The following POP1 variants were observed in gnomAD, a reference collection of about 807,000 sequenced individuals.
The protein encoded by POP1 is ribonucleases P/MRP protein subunit POP1.
Under a neutral mutation model 102.2 loss-of-function variants are expected in POP1, and 75 were observed. The ratio of observed to expected loss-of-function variants is 0.73; its 90% confidence interval spans 0.61 to 0.89. POP1 has a LOEUF of 0.89. Ranked by LOEUF, POP1 falls within the 40% of genes least tolerant of loss-of-function variation. POP1 has a pLI of 0.00. For missense variants in POP1, 1,116 were observed against 1,267.4 expected (o/e 0.88, Z 1.81); for synonymous variants, 436 against 464.1 (o/e 0.94, Z 0.78).
intron 7 of POP1, among the ~76,000 whole-genome samples, 186 bp from the exon 8 acceptor site, chr8:98,136,296 G>A (rs1018803115): frequency 6.6e-6 from 1 of 150,970 alleles, no homozygotes; most frequent in Non-Finnish European, 1.5e-5. Flanking sequence ...GGCTGGGCTC[G>A]AACTCCTGAT....
intron 2 of POP1, 117 bp from the exon 3 acceptor site, chr8:98,127,478 A>T: frequency 8.1e-7 from 1 of 1,242,226 alleles, no homozygotes; most frequent in Non-Finnish European, 1.2e-6. Flanking sequence ...TAGCCACCTT[A>T]CAGGGTGACT....
In POP1 at chr8:98,148,953, G is replaced by C; in HGVS notation, c.1849G>C (p.Gly617Arg). 6.2e-7 allele frequency: 1 copy of C among 1,613,752 alleles called. No individual in the cohort carries two copies. Among genetic ancestry groups the C allele is most frequent in the Non-Finnish European group, 8.5e-7 (1 of 1,179,812 alleles). The change falls in exon 13 of 16, where the codon GGC becomes CGC. Residue 617 changes from glycine (G) to arginine (R), a missense_variant. Physicochemically the swap from Gly to Arg is moderately radical, Grantham distance 125. Coordinates refer to ENST00000401707, the MANE Select transcript of POP1 (RefSeq NM_001145860.2). ...TGAAGATCGACTAGGCTGGGGAAGT[G>C]GCTGGGATGTCCTACTCCCAAAGGG... ...TGEDRLGWGS[G>R]WDVLLPKGWG...
intron 1 of POP1, among the ~76,000 whole-genome samples, chr8:98,119,240 A>G (rs1815943268): frequency 1.3e-5 from 2 of 152,380 alleles, no homozygotes; most frequent in South Asian, 2.1e-4. Flanking sequence ...GCTATTTTGG[A>G]GCATTACAAA....
At chr8:98,153,967 A>T (rs1217609516) in intron 14 of POP1, among the ~76,000 whole-genome samples, 2 of 152,174 alleles carry the variant, frequency 1.3e-5, no homozygotes, top group Non-Finnish European at 2.9e-5. Context: ...TTATTTAGCT[A>T]GGTTAGATTC....
intron 5 of POP1, 152 bp downstream of exon 5, chr8:98,130,378 T>A: frequency 8.8e-7 from 1 of 1,132,318 alleles, no homozygotes; most frequent in Non-Finnish European, 1.3e-6. Context: ...CTTTGCCAGA[T>A]GCTGGAGATC....
intron 13 of POP1, among the ~76,000 whole-genome samples, chr8:98,150,023 G>A (rs1007460235): frequency 3.3e-5 from 5 of 152,202 alleles, no homozygotes; most frequent in African/African-American, 4.8e-5. Flanking sequence ...CCATTTACCC[G>A]CCATCCGGCT....
At chr8:98,127,921 A>G (rs1274082879) in intron 3 of POP1, among the ~76,000 whole-genome samples, 159 bp downstream of exon 3, 1 of 152,070 alleles carries the variant, frequency 6.6e-6, no homozygotes, top group African/African-American at 2.4e-5. Flanking sequence ...GACTTTGGCC[A>G]GAGCTTCCTT....
chr8:98,149,997 A>G (rs1332880436), intron 13 of POP1, among the ~76,000 whole-genome samples: 1 of 152,210 alleles, frequency 6.6e-6, no homozygotes, highest in East Asian at 1.9e-4. Context: ...ATGCTGATAT[A>G]GTGAATGCCT....
In POP1 at chr8:98,155,925, GT is replaced by G. The variant is rs1563786716; in HGVS notation, c.2058-124del. Reference sequence around the variant, plus strand: ...GGAAAGCTTTTGTGTGTGTGTGTGTGTGTGTGTGTGTGTGTGTGTGTGTGTG... The same window carrying G: ...GGAAAGCTTTTGTGTGTGTGTGTGTGGTGTGTGTGTGTGTGTGTGTGTGTG... On this transcript the variant is annotated intron_variant, in intron 14 of 15. Coordinates refer to ENST00000401707, the MANE Select transcript of POP1 (RefSeq NM_001145860.2). 1.0e-3 allele frequency: 714 copies of G among 694,344 alleles called. 3 individuals are homozygous for G. Among genetic ancestry groups the G allele is most frequent in the Admixed American group, 2.8e-3 (134 of 47,866 alleles). 43.0% of individuals were successfully genotyped at this position (694,344 alleles called of 1,614,324 possible).
rs1210261761 is a variant in POP1 at position 98,140,075 on chromosome 8, CA to C, written c.1363-2del. On this transcript the variant is annotated splice_acceptor_variant, in intron 9 of 15. Transcript: ENST00000401707. LOFTEE classifies it high-confidence loss of function. ...CCAGTGAATAGTAGTTGTTATTTTT[CA>C]GGTGGGAGAGGACACAGAGGAGACA... 6.2e-7 allele frequency: 1 copy of C among 1,610,410 alleles called. No homozygotes were observed. Among genetic ancestry groups the C allele is most frequent in the Non-Finnish European group, 8.5e-7 (1 of 1,176,932 alleles).
intron 13 of POP1, 92 bp from the exon 14 acceptor site, chr8:98,150,393 C>G: frequency 7.5e-7 from 1 of 1,336,500 alleles, no homozygotes; most frequent in Non-Finnish European, 1.1e-6. Flanking sequence ...TTTTGAGGGG[C>G]GTTTAGGTTG....
chr8:98,134,154 T>A, intron 6 of POP1, 118 bp downstream of exon 6: 1 of 788,134 alleles, frequency 1.3e-6, no homozygotes, highest in Non-Finnish European at 2.2e-6. Context: ...TGTGAGACAC[T>A]AATCATTCCC....
intron 1 of POP1, among the ~76,000 whole-genome samples, chr8:98,120,639 T>C (rs1815984384): frequency 6.8e-6 from 1 of 147,120 alleles, no homozygotes; most frequent in African/African-American, 2.6e-5. Flanking sequence ...ACGTGGCTCA[T>C]TTTTGTATTT....
intron 11 of POP1, among the ~76,000 whole-genome samples, chr8:98,144,086 G>A (rs1286165231): frequency 6.6e-6 from 1 of 151,938 alleles, no homozygotes; most frequent in African/African-American, 2.4e-5. Flanking sequence ...AACCTGGGAG[G>A]CAGAGGCTGC....
intron 12 of POP1, among the ~76,000 whole-genome samples, chr8:98,147,397 T>C (rs1809384160): frequency 6.6e-6 from 1 of 152,084 alleles, no homozygotes; most frequent in Non-Finnish European, 1.5e-5. Flanking sequence ...AGGAAGACTC[T>C]ACAAGTGGAT....
intron 1 of POP1, 109 bp from the exon 2 acceptor site, chr8:98,123,227 C>G: frequency 7.7e-7 from 1 of 1,300,834 alleles, no homozygotes; most frequent in Non-Finnish European, 1.1e-6. Context: ...AGGGTCTCTT[C>G]CATCAATAGA....
chr8:98,128,913 C>A (rs1030579657), intron 4 of POP1, among the ~76,000 whole-genome samples: 1 of 151,918 alleles, frequency 6.6e-6, no homozygotes, highest in Non-Finnish European at 1.5e-5. Flanking sequence ...GACAGTGAGA[C>A]CTTGTCTAAA....
intron 1 of POP1, among the ~76,000 whole-genome samples, chr8:98,119,615 C>T (rs1238333302): frequency 6.6e-6 from 1 of 152,056 alleles, no homozygotes; most frequent in East Asian, 1.9e-4. Flanking sequence ...TGCTCTGTCA[C>T]CCAGGCTGGA....
At chr8:98,127,834 C>T in intron 3 of POP1, 72 bp downstream of exon 3, 1 of 1,510,292 alleles carries the variant, frequency 6.6e-7, no homozygotes, top group Non-Finnish European at 9.2e-7. Context: ...ACAAACTGCC[C>T]TCCTTGTGGT....
Sources: gnomAD v4.1 joint callset for allele counts (sites outside exome capture counted in the v4.1 genomes callset) on GRCh38, gnomAD v4.1.1 for gene constraint, MANE v1.5 for transcripts, NCBI Gene and HGNC (gene_info 2026-07-23, HGNC 2026-07-21) for gene names.